INVS: variants seen among roughly 807,000 people sequenced by gnomAD.
INVS encodes the protein inversion of embryo turning homolog.
INVS carries 86 observed loss-of-function variants against 108.8 expected under a neutral mutation model. The ratio of observed to expected loss-of-function variants is 0.79; its 90% CI spans 0.66 to 0.95. INVS has a LOEUF of 0.95. INVS is among the 40% of genes least tolerant of loss of function. The pLI is 0.00. For missense variants in INVS, 1,169 were observed against 1,297.4 expected, an observed-to-expected ratio of 0.90 and a Z score of 1.52; for synonymous variants, 455 against 473.5, an observed-to-expected ratio of 0.96 and a Z score of 0.51.
intron 3 of INVS, among the ~76,000 whole-genome samples, chr9:100,198,705 G>A (rs934664777): frequency 2.0e-5 from 3 of 151,182 alleles, no homozygotes; most frequent in African/African-American, 7.3e-5. Flanking sequence ...CAATTCTTCT[G>A]CCTCAGCCTC....
At chr9:100,143,444 A>G (rs1006237217) in intron 3 of INVS, among the ~76,000 whole-genome samples, 4 of 152,074 alleles carry the variant, frequency 2.6e-5, no homozygotes, top group African/African-American at 9.7e-5. Flanking sequence ...GGATATTGAC[A>G]TTGAGCAGGG....
At chr9:100,151,319 A>T (rs1013812573) in intron 3 of INVS, among the ~76,000 whole-genome samples, 3 of 152,156 alleles carry the variant, frequency 2.0e-5, no homozygotes, top group Admixed American at 6.6e-5. Flanking sequence ...CTACAAAAAA[A>T]TTTTTAAAAA....
intron 11 of INVS, among the ~76,000 whole-genome samples, chr9:100,270,640 C>A (rs779095432): frequency 2.3e-4 from 35 of 149,192 alleles, no homozygotes; most frequent in Non-Finnish European, 4.1e-4. Flanking sequence ...CCCAGCTACT[C>A]GGGAGGCTGA....
At chr9:100,285,355 G>A (rs1833407106) in intron 13 of INVS, among the ~76,000 whole-genome samples, 1 of 152,178 alleles carries the variant, frequency 6.6e-6, no homozygotes, top group Admixed American at 6.5e-5. Context: ...CTGCTTTCAA[G>A]ATCTTAAAAT....
At chr9:100,274,364 GAA>G (rs893347887) in intron 12 of INVS, among the ~76,000 whole-genome samples, 1 of 147,302 alleles carries the variant, frequency 6.8e-6, no homozygotes, top group Non-Finnish European at 1.5e-5. Flanking sequence ...TCTAAAAAAA[GAA>G]AAAAAAAAGA....
chr9:100,198,881 A>G (rs955520416), intron 3 of INVS, among the ~76,000 whole-genome samples: 1 of 152,074 alleles, frequency 6.6e-6, no homozygotes, highest in Admixed American at 6.6e-5. Context: ...GTGAGCCACC[A>G]TGCCTGGCCC....
At chr9:100,232,441 G>A (rs555150038) in intron 5 of INVS, among the ~76,000 whole-genome samples, 2 of 152,108 alleles carry the variant, frequency 1.3e-5, no homozygotes, top group Non-Finnish European at 2.9e-5. Flanking sequence ...CCTATGTCCT[G>A]AATGGTATCG....
chr9:100,105,547 A>G (rs1827144493), intron 2 of INVS, among the ~76,000 whole-genome samples: 1 of 152,306 alleles, frequency 6.6e-6, no homozygotes, highest in South Asian at 2.1e-4. Flanking sequence ...AAACTATTGT[A>G]TCTCACACTC....
intron 3 of INVS, among the ~76,000 whole-genome samples, chr9:100,168,610 G>A (rs955888449): frequency 4.6e-5 from 7 of 152,124 alleles, no homozygotes; most frequent in Admixed American, 3.3e-4. Flanking sequence ...TGAGAATAGG[G>A]AGGGTGGGCT....
At chr9:100,257,629 C>T (rs1479147734) in intron 10 of INVS, among the ~76,000 whole-genome samples, 3 of 152,298 alleles carry the variant, frequency 2.0e-5, no homozygotes, top group Middle Eastern at 3.4e-3. Context: ...TCAGCATTTG[C>T]TTGTCTGTAA....
At chr9:100,124,220 T>A (rs1244841988) in intron 2 of INVS, among the ~76,000 whole-genome samples, 1 of 139,614 alleles carries the variant, frequency 7.2e-6, no homozygotes, top group Admixed American at 7.0e-5. Flanking sequence ...GTGTGTATGA[T>A]TGTTCTAGGT....
At chr9:100,152,153 A>G (rs995678148) in intron 3 of INVS, among the ~76,000 whole-genome samples, 1 of 152,108 alleles carries the variant, frequency 6.6e-6, no homozygotes. Context: ...ACACTGAAAT[A>G]TATTTATTTG....
chr9:100,183,239 G>A (rs533109222), intron 3 of INVS, among the ~76,000 whole-genome samples: 159 of 152,082 alleles, frequency 1.0e-3, no homozygotes, highest in African/African-American at 3.7e-3. Flanking sequence ...CAACCTGCAC[G>A]TTCTGCACAT....
At chr9:100,158,832 T>A (rs1829083782) in intron 3 of INVS, among the ~76,000 whole-genome samples, 1 of 152,204 alleles carries the variant, frequency 6.6e-6, no homozygotes, top group African/African-American at 2.4e-5. Flanking sequence ...AGATCTCTCA[T>A]GAATGGCTTG....
chr9:100,230,382 C>G (rs1026288687), intron 5 of INVS, among the ~76,000 whole-genome samples: 4 of 152,024 alleles, frequency 2.6e-5, no homozygotes, highest in African/African-American at 9.7e-5. Flanking sequence ...TTATTTGTAT[C>G]CTTAAACAAT....
intron 3 of INVS, among the ~76,000 whole-genome samples, chr9:100,155,988 C>T (rs906024774): frequency 1.3e-5 from 2 of 152,210 alleles, no homozygotes; most frequent in African/African-American, 4.8e-5. Flanking sequence ...TCACCTCCAT[C>T]ACCCAGATTG....
chr9:100,236,030 T>A (rs1474414123), intron 5 of INVS, among the ~76,000 whole-genome samples: 2 of 152,170 alleles, frequency 1.3e-5, no homozygotes, highest in African/African-American at 4.8e-5. Flanking sequence ...AATAGTCCCA[T>A]ATTTCTTGGA....
chr9:100,175,391 C>T lies in INVS; in HGVS notation c.273+48842C>T, dbSNP rs184657279. 6,627 of 843,350 alleles carry T rather than the reference C, an allele frequency of 7.9e-3. 73 individuals are homozygous for T. Among genetic ancestry groups the T allele is most frequent in the South Asian group, 0.024 (1,800 of 74,840 alleles). 52.2% of individuals were successfully genotyped at this position (843,350 alleles called of 1,614,324 possible). ...AACTCACTTCTGCAGAGAAGAGCAC[C>T]GCAAAAAAGGAAGACAAAGTCCTGG... is the stretch of plus-strand genomic sequence containing the variant. On this transcript the variant is annotated intron_variant, in intron 3 of 16. Coordinates refer to ENST00000262457, the MANE Select transcript of INVS (RefSeq NM_014425.5).
At chr9:100,116,588 T>G (rs1827538666) in intron 2 of INVS, among the ~76,000 whole-genome samples, 1 of 152,230 alleles carries the variant, frequency 6.6e-6, no homozygotes, top group South Asian at 2.1e-4. Context: ...ATTTATTAAT[T>G]TTTATGGATT....
Sources: allele counts gnomAD v4.1 joint callset (sites outside exome capture counted in the v4.1 genomes callset), GRCh38; gene constraint gnomAD v4.1.1; transcripts MANE v1.5; gene names NCBI Gene and HGNC (gene_info 2026-07-23, HGNC 2026-07-21).